The following TRIM72 variants were observed in gnomAD, a reference collection of about 807,000 sequenced individuals.
TRIM72 encodes the protein tripartite motif-containing protein 72.
In TRIM72, 33 loss-of-function variants were observed where a neutral mutation model predicts 31.6. The observed-to-expected ratio is 1.04, with a 90% CI of 0.79 to 1.40. The LOEUF is 1.40. Among genes scored for constraint, TRIM72 ranks in the 40% most tolerant of loss-of-function variants. The pLI is 0.00. For missense variants in TRIM72, 666 were observed against 682.7 expected, an observed-to-expected ratio of 0.98 and a Z score of 0.27; for synonymous variants, 301 against 314.4, an observed-to-expected ratio of 0.96 and a Z score of 0.45.
At chr16:31,214,639 G>C in intron 1 of TRIM72, 93 bp from the exon 2 acceptor site, 1 of 1,312,050 alleles carries the variant, frequency 7.6e-7, no homozygotes, top group Non-Finnish European at 9.8e-7. Flanking sequence ...CTCCCTGCGG[G>C]GCGGCGGGCC....
intron 2 of TRIM72, chr16:31,217,193 C>A (rs2079514252): frequency 1.4e-6 from 1 of 725,638 alleles, no homozygotes; most frequent in Non-Finnish European, 2.2e-6. Context: ...TCTGCAAACA[C>A]CGCCTAGAGG....
rs769631711 is a variant in TRIM72 at position 31,214,913 on chromosome 16, C to T, written c.175C>T (p.Pro59Ser). 4 of 1,513,518 alleles carry T rather than the reference C, an allele frequency of 2.6e-6. No homozygotes were observed. The South Asian group carries it at 3.7e-5, about 14-fold the overall frequency. 93.8% of individuals were successfully genotyped at this position (1,513,518 alleles called of 1,614,324 possible). Residue 59 changes from proline (P) to serine (S), a missense_variant, in exon 2 of 7, where the codon CCC becomes TCC. Physicochemically the swap from Pro to Ser is moderately conservative, Grantham distance 74 (BLOSUM62 -1). Coordinates refer to ENST00000322122, the MANE Select transcript of TRIM72 (RefSeq NM_001008274.4). ...GTVLCPCCQA[P>S]TRPQALSTNL... ...CGTTCTCTGCCCCTGCTGCCAGGCC[C>T]CCACGCGGCCGCAGGCACTCAGCAC...
chr16:31,222,846 G>T lies in TRIM72; in HGVS notation c.760G>T (p.Glu254Ter). The change falls in exon 6 of 7, where the codon GAG becomes TAG. Residue 254 changes from glutamate (E) to a stop codon, truncating the protein, a stop_gained. Coordinates refer to ENST00000322122, the MANE Select transcript of TRIM72 (RefSeq NM_001008274.4). LOFTEE classifies it high-confidence loss of function. ...VTSRLQKILAESPPPARLDIQ... is the reference protein window; with the variant it reads ...VTSRLQKILA ...CCCCAGGCTGCAGAAGATCCTGGCA[G>T]AGTCTCCCCCACCCGCCCGTCTGGA... 7.1e-7 allele frequency: 1 copy of T among 1,405,992 alleles called. No individual in the cohort carries two copies. Among genetic ancestry groups the T allele is most frequent in the Non-Finnish European group, 9.3e-7 (1 of 1,071,202 alleles). 87.1% of individuals were successfully genotyped at this position (1,405,992 alleles called of 1,614,324 possible).
rs1043603333 is a variant in TRIM72, at chr16:31,227,636, A to AT, written c.*2892dup. 169 of 138,142 alleles carry AT rather than the reference A, an allele frequency of 1.2e-3. No homozygotes were observed. Among genetic ancestry groups the AT allele is most frequent in the Admixed American group, 7.2e-3 (100 of 13,804 alleles). 8.6% of individuals were successfully genotyped at this position (138,142 alleles called of 1,614,324 possible). ...TTCATCTGTTTTTAGTTAAAAAACA[A>AT]TTTTTTTTTTTGAGACAAGGTCTTG... On this transcript the variant is annotated 3_prime_UTR_variant, in exon 7 of 7. Coordinates refer to ENST00000322122, the MANE Select transcript of TRIM72 (RefSeq NM_001008274.4).
At position 31,215,112 on chromosome 16, in the gene TRIM72, C is replaced by G; in HGVS notation, c.374C>G (p.Ala125Gly). The G allele has an allele frequency of 8.3e-6, 12 of 1,444,860 alleles. No homozygotes were observed. Among genetic ancestry groups the G allele is most frequent in the Non-Finnish European group, 1.1e-5 (12 of 1,108,074 alleles). 89.5% of individuals were successfully genotyped at this position (1,444,860 alleles called of 1,614,324 possible). Reference sequence around the variant, plus strand: ...CATCGCCTCCTGCCTGCCGCCGAGGCCCACGCACGCCTCAAGGTGCGGGAT... The same window carrying G: ...CATCGCCTCCTGCCTGCCGCCGAGGGCCACGCACGCCTCAAGGTGCGGGAT... The part of the protein sequence containing the change: ...RGHRLLPAAE[A>G]HARLKTQLPQ... The change falls in exon 2 of 7, where the codon GCC becomes GGC. Residue 125 changes from alanine (A) to glycine (G), a missense_variant. Transcript: ENST00000322122. This position sits in a 1 kb window ranked among gnomAD's most constrained non-coding sequence, Gnocchi z 6.3.
intron 5 of TRIM72, 31 bp from the exon 6 acceptor site, chr16:31,222,796 A>AC: frequency 2.9e-6 from 1 of 339,608 alleles, no homozygotes; most frequent in South Asian, 3.3e-5. Flanking sequence ...CCCCCCTCAC[A>AC]CATGCCTCCC....
chr16:31,224,963 G>T lies in TRIM72; in HGVS notation c.*208G>T, dbSNP rs866292436. 16 of 458,964 alleles carry T rather than the reference G, an allele frequency of 3.5e-5. No homozygotes were observed. Among genetic ancestry groups the T allele is most frequent in the African/African-American group, 2.4e-4 (12 of 49,412 alleles). The allele number at this position is 458,964 out of a possible 1,614,324, so 28.4% of individuals were successfully genotyped here. A position where few individuals can be genotyped will look rare whatever the true frequency, so the allele number is the denominator to read the frequency against. On this transcript the variant is annotated 3_prime_UTR_variant, in exon 7 of 7. Coordinates refer to ENST00000322122, the MANE Select transcript of TRIM72 (RefSeq NM_001008274.4). ...CCCAGCACTTTGGGAGACGGAGGCG[G>T]GTGGATCACCTGAGGTCAGGAGTTC...
chr16:31,230,294 C>G lies in TRIM72; in HGVS notation c.*5539C>G, dbSNP rs1427612361. The stretch of plus-strand genomic sequence containing the variant: ...GCTGCAAGGTCACTAGGCAGATAAA[C>G]TCAAGTCATAAAACATGTTTTTCCT... On this transcript the variant is annotated 3_prime_UTR_variant, in exon 7 of 7. Transcript: ENST00000322122. 6.6e-6 allele frequency: 1 copy of G among 152,172 alleles called. No individual in the cohort carries two copies. The highest frequency in any genetic ancestry group is 1.5e-5 in the Non-Finnish European group (1 of 68,040). The allele number at this position is 152,172 out of a possible 1,614,324, so 9.4% of individuals were successfully genotyped here.
intron 2 of TRIM72, among the ~76,000 whole-genome samples, chr16:31,217,714 A>T (rs1019221951): frequency 6.6e-6 from 1 of 151,116 alleles, no homozygotes; most frequent in Non-Finnish European, 1.5e-5. Context: ...TCCCTGGTTC[A>T]AGTGATTCTC....
intron 5 of TRIM72, 52 bp from the exon 6 acceptor site, chr16:31,222,775 G>T: frequency 1.6e-6 from 1 of 606,220 alleles, no homozygotes. Flanking sequence ...AATCCCCCCA[G>T]CCCTTGTCCT....
chr16:31,220,840 G>A (rs755408210), intron 4 of TRIM72, 56 bp from the exon 5 acceptor site: 192 of 1,612,580 alleles, frequency 1.2e-4, no homozygotes, highest in Non-Finnish European at 1.6e-4. Context: ...ATCCTCAAAA[G>A]TTTCCAGTGT....
At chr16:31,220,053 G>A (rs1025965936) in intron 4 of TRIM72, among the ~76,000 whole-genome samples, 16 of 145,864 alleles carry the variant, frequency 1.1e-4, no homozygotes, top group African/African-American at 3.1e-4. Flanking sequence ...GTGAGCCACC[G>A]CGCCTGGTCT....
Position 31,215,081 on chromosome 16 carries a change from C to G in TRIM72, c.343C>G (p.Arg115Gly). Residue 115 changes from arginine (R) to glycine (G), a missense_variant, in exon 2 of 7, where the codon CGC becomes GGC. Transcript: ENST00000322122. The surrounding 1 kb of genome is among the most constrained non-coding windows in gnomAD (Gnocchi z 6.3). ...CGVCASLGSH[R>G]GHRLLPAAEA... ...AGTGTGCGCCTCACTCGGCTCGCAC[C>G]GCGGTCATCGCCTCCTGCCTGCCGC... 6.9e-7 allele frequency: 1 copy of G among 1,453,116 alleles called. No individual in the cohort carries two copies. Among genetic ancestry groups the G allele is most frequent in the Non-Finnish European group, 9.0e-7 (1 of 1,112,654 alleles). 90.0% of individuals were successfully genotyped at this position (1,453,116 alleles called of 1,614,324 possible). A position where few individuals can be genotyped will look rare whatever the true frequency, so the allele number is the denominator to read the frequency against.
At chr16:31,222,479 C>CTT (rs1428640369) in intron 5 of TRIM72, among the ~76,000 whole-genome samples, 4 of 18,126 alleles carry the variant, frequency 2.2e-4, no homozygotes, top group African/African-American at 3.8e-4. Context: ...GCTTCTTCTT[C>CTT]TTCTTTTTTT....
intron 5 of TRIM72, among the ~76,000 whole-genome samples, chr16:31,221,523 A>AGGGAGAAGGGCATTGTG (rs1217841452): frequency 1.2e-5 from 1 of 82,620 alleles, no homozygotes; most frequent in Non-Finnish European, 2.4e-5. Context: ...AGGGCATTGC[A>AGGGAGAAGGGCATTGTG]GGGAGAAGGG....
rs1224431203 is a variant in TRIM72 at position 31,224,632 on chromosome 16, G to A, written c.1311G>A (p.Pro437=). The part of the protein sequence containing the change: ...YDASDADALV[P]LFAFHERLPR... ...CCAGCGACGCCGACGCGCTCGTGCC[G>A]CTTTTTGCCTTCCACGAGCGCCTGC... is the stretch of plus-strand genomic sequence containing the variant. The change falls in exon 7 of 7, where the codon CCG becomes CCA. Residue 437 remains proline (P), a synonymous_variant. Coordinates refer to ENST00000322122, the MANE Select transcript of TRIM72 (RefSeq NM_001008274.4). The A allele has an allele frequency of 1.3e-6, 2 of 1,548,788 alleles. No homozygotes were observed. Among genetic ancestry groups the A allele is most frequent in the African/African-American group, 1.4e-5 (1 of 73,458 alleles).
chr16:31,219,916 C>G lies in TRIM72; in HGVS notation c.717+397C>G, dbSNP rs1309266775. The stretch of plus-strand genomic sequence containing the variant: ...TAGCTGGGACTACAGGCACCCGCCA[C>G]CACGCCTGGCTAATTTTTTCTATTT... On this transcript the variant is annotated intron_variant, in intron 4 of 6. Coordinates refer to ENST00000322122, the MANE Select transcript of TRIM72 (RefSeq NM_001008274.4). This position sits in a 1 kb window ranked among gnomAD's most constrained non-coding sequence, Gnocchi z 4.2. Among the ~76,000 whole-genome samples, 1 of 151,858 alleles carries G rather than the reference C, an allele frequency of 6.6e-6. No individual in the cohort carries two copies. The highest frequency in any genetic ancestry group is 1.5e-5 in the Non-Finnish European group (1 of 68,008).
chr16:31,221,691 C>G (rs2079534908), intron 5 of TRIM72, among the ~76,000 whole-genome samples: 1 of 119,244 alleles, frequency 8.4e-6, no homozygotes, highest in Non-Finnish European at 1.7e-5. Context: ...AGAAGAAGGG[C>G]ATTGTGGGGA....
In TRIM72 at chr16:31,216,560, G is replaced by A. The variant is rs1162733207; in HGVS notation, c.390+1432G>A. 6.6e-6 allele frequency among the ~76,000 whole-genome samples: 1 copy of A among 152,206 alleles called. No individual in the cohort carries two copies. Among genetic ancestry groups the A allele is most frequent in the Non-Finnish European group, 1.5e-5 (1 of 68,036 alleles). On this transcript the variant is annotated intron_variant, in intron 2 of 6. Coordinates refer to ENST00000322122, the MANE Select transcript of TRIM72 (RefSeq NM_001008274.4). This position sits in a 1 kb window ranked among gnomAD's most constrained non-coding sequence, Gnocchi z 6.7. ...CCCAGGAGCCTGGAAGGGGGCAGTG[G>A]GGCGAGATGCAGCCCACCAGGGTTC...
Sources: allele counts gnomAD v4.1 joint callset (sites outside exome capture counted in the v4.1 genomes callset), GRCh38; gene constraint gnomAD v4.1.1; non-coding constraint Gnocchi (gnomAD v3.1); transcripts MANE v1.5; gene names NCBI Gene and HGNC (gene_info 2026-07-23, HGNC 2026-07-21).